The following PPRC1 variants were observed in gnomAD, a reference collection of about 807,000 sequenced individuals.
The protein encoded by PPRC1 is peroxisome proliferator-activated receptor gamma coactivator-related protein 1.
PPRC1 carries 23 observed loss-of-function variants against 132.5 expected under a neutral mutation model. That is an observed-to-expected ratio of 0.17 (90% CI 0.12 to 0.25). The LOEUF (loss-of-function observed/expected upper bound fraction) is 0.25, where lower values mean the gene tolerates loss of function less well. PPRC1 is among the 10% of genes least tolerant of loss of function. PPRC1 has a pLI of 1.00. For missense variants in PPRC1, 2,006 were observed against 2,089.1 expected (o/e 0.96, Z 0.78); for synonymous variants, 872 against 833.5 (o/e 1.05, Z -0.80).
chr10:102,121,202 C>G, the PPRC1 span, among the ~76,000 whole-genome samples: 1 of 152,034 alleles, frequency 6.6e-6, no homozygotes, highest in Non-Finnish European at 1.5e-5. Flanking sequence ...AGGAGGCCAT[C>G]CTTCCTTCTT....
At chr10:102,122,955 T>C in the PPRC1 span, among the ~76,000 whole-genome samples, 2 of 152,194 alleles carry the variant, frequency 1.3e-5, no homozygotes, top group African/African-American at 2.4e-5. Context: ...TCAGAGATGA[T>C]AATAAATTTG....
In PPRC1 at chr10:102,141,954, C is replaced by A. The variant is rs977570296; in HGVS notation, c.3446C>A (p.Pro1149Gln). The A allele has an allele frequency of 6.2e-7, 1 of 1,613,920 alleles. No individual in the cohort carries two copies. Among genetic ancestry groups the A allele is most frequent in the African/African-American group, 1.3e-5 (1 of 75,050 alleles). ...RLRKLSFLPT[P>Q]RTQGSEDVVQ... ...AGGAAGCTGTCCTTCCTGCCTACCC[C>A]ACGTACTCAGGGTTCTGAAGATGTG... is the stretch of plus-strand genomic sequence containing the variant. Residue 1149 changes from proline to glutamine, a missense_variant, in exon 5 of 14, where the codon CCA becomes CAA. By Grantham distance (76) the Pro-to-Gln change is moderately conservative. Transcript: ENST00000278070.
At chr10:102,132,318 G>A (rs1037742980), upstream of PPRC1, among the ~76,000 whole-genome samples, 11 of 152,372 alleles carry the variant, frequency 7.2e-5, no homozygotes, top group African/African-American at 2.4e-4. Context: ...AGTAGAGACA[G>A]TGATGGACCG....
intron 2 of PPRC1, among the ~76,000 whole-genome samples, chr10:102,138,382 G>C (rs964283873): frequency 1.8e-4 from 27 of 152,190 alleles, no homozygotes; most frequent in African/African-American, 4.8e-4. Flanking sequence ...CTTATCTGAG[G>C]GTAGGGGAAT....
the PPRC1 span, among the ~76,000 whole-genome samples, chr10:102,120,677 A>T: frequency 6.6e-6 from 1 of 152,150 alleles, no homozygotes; most frequent in Non-Finnish European, 1.5e-5. Flanking sequence ...CTTTTAAAAA[A>T]GGAGACGGAG....
chr10:102,120,637 C>T, the PPRC1 span, among the ~76,000 whole-genome samples: 10 of 152,106 alleles, frequency 6.6e-5, no homozygotes, highest in African/African-American at 2.2e-4. Context: ...GGGCTGGGAG[C>T]GCTCGGGGAA....
At chr10:102,127,334 A>G in the PPRC1 span, among the ~76,000 whole-genome samples, 1 of 152,022 alleles carries the variant, frequency 6.6e-6, no homozygotes. Context: ...AGACCACGCC[A>G]CTGCACTCCA....
At chr10:102,133,266 G>A in intron 1 of PPRC1, 45 bp downstream of exon 1, 1 of 1,243,748 alleles carries the variant, frequency 8.0e-7, no homozygotes, top group Non-Finnish European at 1.0e-6. Flanking sequence ...AAAGCGGTGT[G>A]TGCCGGGCGG....
chr10:102,136,595 A>G (rs538987107), intron 1 of PPRC1, among the ~76,000 whole-genome samples: 4 of 152,258 alleles, frequency 2.6e-5, no homozygotes, highest in Non-Finnish European at 4.4e-5. Flanking sequence ...ATTATAGTAT[A>G]TTGTTTTAAT....
At chr10:102,144,506 A>G (rs543676470) in intron 7 of PPRC1, 199 bp downstream of exon 7, 1 of 595,776 alleles carries the variant, frequency 1.7e-6, no homozygotes, top group Non-Finnish European at 3.0e-6. Flanking sequence ...GGGCATGTTC[A>G]CTGCCCTCCA....
chr10:102,144,559 A>G (rs1440492059), intron 7 of PPRC1: 1 of 550,950 alleles, frequency 1.8e-6, no homozygotes, highest in African/African-American at 1.9e-5. Context: ...GGTGCCTTTT[A>G]TCTCCTGGCA....
At chr10:102,146,254 G>C (rs1220032212) in intron 8 of PPRC1, among the ~76,000 whole-genome samples, 6 of 152,320 alleles carry the variant, frequency 3.9e-5, no homozygotes, top group African/African-American at 1.4e-4. Flanking sequence ...ATTGGTTTTT[G>C]GGTGCTCCAT....
At chr10:102,121,043 CCTT>C in the PPRC1 span, among the ~76,000 whole-genome samples, 1 of 152,170 alleles carries the variant, frequency 6.6e-6, no homozygotes, top group Non-Finnish European at 1.5e-5. Context: ...AACCACTCCT[CCTT>C]TGCCTGCGAA....
rs2069286753 is a variant in PPRC1 at position 102,147,112 on chromosome 10, A to G, written c.4120A>G (p.Ser1374Gly). 6.2e-7 allele frequency: 1 copy of G among 1,614,016 alleles called. No individual in the cohort carries two copies. The highest frequency in any genetic ancestry group is 1.3e-5 in the African/African-American group (1 of 74,898). Residue 1374 changes from serine (S) to glycine (G), a missense_variant, in exon 9 of 14, where the codon AGC becomes GGC. Ser to Gly is a moderately conservative substitution (Grantham distance 56). Transcript: ENST00000278070. ...CTCAGCACCCTGCCTTGCCCCATCC[A>G]GCTTGCTGTCCCCTGAGGCCTCACC... ...DPSAPCLAPS[S>G]LLSPEASPCR...
At chr10:102,131,746 C>G (rs1208823970), upstream of PPRC1, among the ~76,000 whole-genome samples, 1 of 152,218 alleles carries the variant, frequency 6.6e-6, no homozygotes, top group Non-Finnish European at 1.5e-5. Flanking sequence ...CAACCTCCAC[C>G]TCCTGGGTTC....
the PPRC1 span, among the ~76,000 whole-genome samples, chr10:102,127,587 T>C: frequency 6.6e-6 from 1 of 152,022 alleles, no homozygotes; most frequent in African/African-American, 2.4e-5. Context: ...TTTGTATTTT[T>C]AGTAGAGACG....
intron 6 of PPRC1, 120 bp downstream of exon 6, chr10:102,143,218 C>G: frequency 1.2e-6 from 1 of 863,288 alleles, no homozygotes; most frequent in Non-Finnish European, 1.8e-6. Context: ...GAGCAGACCC[C>G]TAATTGGAAG....
chr10:102,132,804 A>G (rs2068569164), upstream of PPRC1, among the ~76,000 whole-genome samples: 1 of 152,236 alleles, frequency 6.6e-6, no homozygotes, highest in Non-Finnish European at 1.5e-5. Flanking sequence ...CGCTCCCTAA[A>G]TCGGTATCCC....
the PPRC1 span, among the ~76,000 whole-genome samples, chr10:102,125,193 C>T: frequency 2.0e-4 from 31 of 151,804 alleles, no homozygotes; most frequent in South Asian, 3.5e-3. Flanking sequence ...CCAGTTCAAG[C>T]GATTCTCCTG....
Sources: allele counts gnomAD v4.1 joint callset (sites outside exome capture counted in the v4.1 genomes callset), GRCh38; gene constraint gnomAD v4.1.1; transcripts MANE v1.5; gene names NCBI Gene and HGNC (gene_info 2026-07-23, HGNC 2026-07-21).